CKAP5: variants seen among roughly 807,000 people sequenced by gnomAD.
CKAP5 encodes the protein cytoskeleton-associated protein 5.
A neutral mutation model predicts 232.8 loss-of-function variants in CKAP5; 27 were observed. The observed-to-expected ratio is 0.12, with a 90% CI of 0.09 to 0.16. CKAP5 has a LOEUF of 0.16. Among genes scored for constraint, CKAP5 ranks in the 10% least tolerant of loss-of-function variants. The pLI is 1.00. For missense variants in CKAP5, 1,838 were observed against 2,424.7 expected, an observed-to-expected ratio of 0.76 and a Z score of 5.08; for synonymous variants, 785 against 841.1, an observed-to-expected ratio of 0.93 and a Z score of 1.16.
chr11:46,744,703 A>G (rs1040277847), intron 42 of CKAP5, 126 bp from the exon 43 acceptor site: 1 of 856,692 alleles, frequency 1.2e-6, no homozygotes, highest in African/African-American at 1.7e-5. Context: ...CAAATTCCAC[A>G]AGAATCTACC....
chr11:46,751,770 A>G (rs1387563191), intron 38 of CKAP5, among the ~76,000 whole-genome samples: 1 of 151,420 alleles, frequency 6.6e-6, no homozygotes, highest in Non-Finnish European at 1.5e-5. Flanking sequence ...ACTCCTTCCC[A>G]CTCCCCAGAG....
intron 12 of CKAP5, 114 bp downstream of exon 12, chr11:46,796,698 A>C: frequency 1.6e-6 from 2 of 1,214,284 alleles, no homozygotes; most frequent in Non-Finnish European, 2.2e-6. Context: ...ATTTAAAAAA[A>C]ATCAAGAACT....
intron 9 of CKAP5, 30 bp from the exon 10 acceptor site, chr11:46,798,202 C>T (rs1390000877): frequency 2.8e-6 from 4 of 1,438,892 alleles, no homozygotes; most frequent in Non-Finnish European, 3.9e-6. Flanking sequence ...GCACATTATT[C>T]AGCAACAAAG....
At chr11:46,745,570 A>G (rs2065016397) in intron 42 of CKAP5, among the ~76,000 whole-genome samples, 1 of 152,210 alleles carries the variant, frequency 6.6e-6, no homozygotes, top group Non-Finnish European at 1.5e-5. Context: ...AAACCATGGT[A>G]TGTTTACATG....
At chr11:46,838,836 T>C (rs957701725) in intron 1 of CKAP5, among the ~76,000 whole-genome samples, 5 of 147,670 alleles carry the variant, frequency 3.4e-5, no homozygotes, top group Non-Finnish European at 6.0e-5. Context: ...GAGCCACCAT[T>C]GTCGCAACAT....
intron 35 of CKAP5, 183 bp downstream of exon 35, chr11:46,758,740 T>A: frequency 1.8e-6 from 1 of 569,150 alleles, no homozygotes; most frequent in Non-Finnish European, 2.9e-6. Context: ...AATAAGGCTC[T>A]ATTAGAGTCA....
rs557876253 is a variant in CKAP5, at chr11:46,822,918, A to G, written c.-37-1650T>C. On this transcript the variant is annotated intron_variant, in intron 1 of 43. Transcript: ENST00000529230. ...TATTCTTTATGTAAACCATGTTTTT[A>G]AGTGAGGTTTAAAGTCAACATCCTT... 5.9e-5 allele frequency among the ~76,000 whole-genome samples: 9 copies of G among 152,296 alleles called. No individual in the cohort carries two copies. In the South Asian group the frequency reaches 8.3e-4, roughly 14 times the overall value.
intron 9 of CKAP5, among the ~76,000 whole-genome samples, chr11:46,800,455 A>C (rs1939001304): frequency 6.6e-6 from 1 of 152,234 alleles, no homozygotes; most frequent in Non-Finnish European, 1.5e-5. Flanking sequence ...GAATCAAATG[A>C]TGAAGGGGCT....
chr11:46,786,448 A>C (rs1359811738), intron 16 of CKAP5, among the ~76,000 whole-genome samples: 1 of 152,222 alleles, frequency 6.6e-6, no homozygotes, highest in Admixed American at 6.5e-5. Context: ...CTCCATTTGA[A>C]AGTCCTGTTA....
Position 46,743,903 on chromosome 11 carries a change from T to C in CKAP5, c.*120A>G. 2 of 1,267,792 alleles carry C rather than the reference T, an allele frequency of 1.6e-6. No homozygotes were observed. Among genetic ancestry groups the C allele is most frequent in the Non-Finnish European group, 2.2e-6 (2 of 896,624 alleles). 78.5% of individuals were successfully genotyped at this position (1,267,792 alleles called of 1,614,324 possible). A position where few individuals can be genotyped will look rare whatever the true frequency, so the allele number is the denominator to read the frequency against. On this transcript the variant is annotated 3_prime_UTR_variant, in exon 44 of 44. Transcript: ENST00000529230. ...TGCCACAATGACTCCTCCCCCTAGC[T>C]CCACGGCATGATACATACAACCAGT...
chr11:46,809,923 G>A (rs773603758), intron 5 of CKAP5, 49 bp from the exon 6 acceptor site: 3 of 1,526,894 alleles, frequency 2.0e-6, no homozygotes, highest in Non-Finnish European at 2.7e-6. Context: ...TCCACCATTA[G>A]TTAACATACT....
chr11:46,839,360 T>C (rs906193832), intron 1 of CKAP5, among the ~76,000 whole-genome samples: 2 of 152,194 alleles, frequency 1.3e-5, no homozygotes, highest in African/African-American at 4.8e-5. Context: ...GTAGAGTAAC[T>C]GCCCTGATAG....
rs1939513071 is a variant in CKAP5, at chr11:46,821,107, AGAT to A, written c.57+65_57+67del. 31 of 1,076,328 alleles carry A rather than the reference AGAT, an allele frequency of 2.9e-5. No individual in the cohort carries two copies. In the South Asian group the frequency reaches 3.9e-4, roughly 14 times the overall value. 66.7% of individuals were successfully genotyped at this position (1,076,328 alleles called of 1,614,324 possible). A position where few individuals can be genotyped will look rare whatever the true frequency, so the allele number is the denominator to read the frequency against. On this transcript the variant is annotated intron_variant, in intron 2 of 43. Transcript: ENST00000529230. ...CAATGTTTTCACACACTTCTAAGTA[AGAT>A]GATAGTATAACTGCTCACAAAACAA...
chr11:46,803,614 T>C (rs1240917223), intron 8 of CKAP5, among the ~76,000 whole-genome samples: 2 of 152,210 alleles, frequency 1.3e-5, no homozygotes, highest in African/African-American at 4.8e-5. Flanking sequence ...AGTCAGGTAG[T>C]TAGCAAATGG....
At chr11:46,762,876 C>G in intron 30 of CKAP5, 100 bp downstream of exon 30, 4 of 1,438,908 alleles carry the variant, frequency 2.8e-6, no homozygotes, top group Non-Finnish European at 2.9e-6. Flanking sequence ...AGGGAAGGTA[C>G]CGTGATATAA....
At chr11:46,797,710 T>C (rs2134650576) in intron 11 of CKAP5, 95 bp downstream of exon 11, 3 of 1,243,608 alleles carry the variant, frequency 2.4e-6, no homozygotes, top group Non-Finnish European at 3.4e-6. Context: ...ATAACCTCTA[T>C]AGTCTGAAAG....
At chr11:46,808,526 G>A (rs1307239667) in intron 7 of CKAP5, among the ~76,000 whole-genome samples, 2 of 152,188 alleles carry the variant, frequency 1.3e-5, no homozygotes, top group Non-Finnish European at 2.9e-5. Context: ...GGGCGACAGA[G>A]CGAGACTCCG....
chr11:46,821,360 C>G, intron 1 of CKAP5, 92 bp from the exon 2 acceptor site: 1 of 554,778 alleles, frequency 1.8e-6, no homozygotes, highest in Admixed American at 3.0e-5. Context: ...ATCATTCATG[C>G]AACAACAAGA....
chr11:46,829,838 A>ATG (rs57602333), intron 1 of CKAP5, among the ~76,000 whole-genome samples: 3,168 of 143,070 alleles, frequency 0.022, 52 homozygotes, highest in East Asian at 0.041. Context: ...CCTTTTTTGT[A>ATG]TGTGTGTGTG....
Sources: gnomAD v4.1 joint callset for allele counts (sites outside exome capture counted in the v4.1 genomes callset) on GRCh38, gnomAD v4.1.1 for gene constraint, MANE v1.5 for transcripts, NCBI Gene and HGNC (gene_info 2026-07-23, HGNC 2026-07-21) for gene names.